DMD: variants seen among roughly 807,000 people sequenced by gnomAD.
DMD encodes mutant dystrophin.
DMD carries 63 observed loss-of-function variants against 330.1 expected under a neutral mutation model. The observed-to-expected ratio is 0.19, with a 90% CI of 0.16 to 0.24. The LOEUF is 0.24. Ranked by LOEUF, DMD falls within the 10% of genes least tolerant of loss-of-function variation. The pLI, the probability that DMD is intolerant of heterozygous loss-of-function variation, is 1.00. For synonymous variants in DMD, 1,223 were observed against 959.8 expected (o/e 1.27, Z -5.07); for missense variants, 3,344 against 2,684.1 (o/e 1.25, Z -5.43).
At chrX:31,666,784 T>C (rs931822248) in intron 53 of DMD, among the ~76,000 whole-genome samples, 3 of 111,907 alleles carry the variant, frequency 2.7e-5, no homozygotes, top group African/African-American at 9.7e-5. Flanking sequence ...AATAGCTCCC[T>C]ATCCATTGTG....
At chrX:32,444,367 A>C (rs908087836) in intron 27 of DMD, among the ~76,000 whole-genome samples, 2 of 110,544 alleles carry the variant, frequency 1.8e-5, no homozygotes, top group African/African-American at 3.3e-5. Flanking sequence ...CCAGAGAAAA[A>C]AAAAGACAAA....
At chrX:32,563,673 T>G (rs1345355043) in intron 16 of DMD, among the ~76,000 whole-genome samples, 1 of 111,949 alleles carries the variant, frequency 8.9e-6, no homozygotes, top group East Asian at 2.8e-4. Context: ...AATGCTTTTC[T>G]ACCAATTGGA....
chrX:31,990,827 G>T, intron 44 of DMD, among the ~76,000 whole-genome samples: 1 of 111,967 alleles, frequency 8.9e-6, no homozygotes, highest in South Asian at 3.7e-4. Context: ...TTTCTAGTAG[G>T]TTAACACTCC....
intron 13 of DMD, among the ~76,000 whole-genome samples, chrX:32,590,096 T>A (rs2054730687): frequency 8.9e-6 from 1 of 112,355 alleles, no homozygotes; most frequent in East Asian, 2.8e-4. Context: ...ATAATTTGTC[T>A]TAATACTACC....
At chrX:32,728,445 C>T (rs1268196432) in intron 7 of DMD, among the ~76,000 whole-genome samples, 1 of 111,871 alleles carries the variant, frequency 8.9e-6, no homozygotes, top group Non-Finnish European at 1.9e-5. Context: ...TTATCAAGAG[C>T]AGGTTTAACA....
intron 1 of DMD, among the ~76,000 whole-genome samples, chrX:33,302,169 G>A (rs1375483995): frequency 2.7e-5 from 3 of 111,237 alleles, no homozygotes; most frequent in Admixed American, 9.6e-5. Flanking sequence ...TTATTTTTCA[G>A]CTACTTAGGT....
intron 44 of DMD, among the ~76,000 whole-genome samples, chrX:32,170,422 A>G (rs1254282922): frequency 9.2e-6 from 1 of 109,097 alleles, no homozygotes; most frequent in Non-Finnish European, 1.9e-5. Flanking sequence ...AAGTGAGTCG[A>G]GATTGTACCA....
At chrX:32,183,918 C>A (rs190897282) in intron 44 of DMD, among the ~76,000 whole-genome samples, 180 of 110,492 alleles carry the variant, frequency 1.6e-3, no homozygotes, top group African/African-American at 5.6e-3. Context: ...CTTAAAGATA[C>A]TGATCAGGGA....
In DMD at chrX:31,209,671, A is replaced by G. The variant is rs1057523643; in HGVS notation, c.9390T>C (p.Cys3130=). 6.6e-6 allele frequency: 8 copies of G among 1,211,685 alleles called. No homozygotes were observed. The South Asian group carries it at 1.1e-4, about 16-fold the overall frequency. The part of the protein sequence containing the change: ...CLDLLSLSAA[C]DALDQHNLKQ... ...TGAGGTTGTGCTGGTCCAAGGCATC[A>G]CATGCAGCTGACAGGCTCAAGAGAT... The change falls in exon 65 of 79, where the codon TGT becomes TGC. Residue 3130 remains cysteine, a synonymous_variant. Coordinates refer to ENST00000357033, the MANE Select transcript of DMD (RefSeq NM_004006.3).
intron 1 of DMD, among the ~76,000 whole-genome samples, chrX:33,257,511 G>A (rs2052877950): frequency 9.0e-6 from 1 of 110,899 alleles, no homozygotes; most frequent in Admixed American, 9.7e-5. Context: ...ATCCTTACTT[G>A]TCCAGTGTCA....
intron 37 of DMD, among the ~76,000 whole-genome samples, chrX:32,351,248 C>G (rs764936626): frequency 4.8e-4 from 53 of 110,692 alleles, no homozygotes; most frequent in Non-Finnish European, 8.8e-4. Context: ...TGGCTCAGGT[C>G]AAGCCCTTCC....
At chrX:32,109,864 A>G (rs772420672) in intron 44 of DMD, among the ~76,000 whole-genome samples, 13 of 111,710 alleles carry the variant, frequency 1.2e-4, no homozygotes, top group Non-Finnish European at 2.5e-4. Context: ...TAATCTCTTA[A>G]ACATTTCTTA....
At chrX:32,301,523 C>T (rs2097523824) in intron 42 of DMD, among the ~76,000 whole-genome samples, 1 of 110,193 alleles carries the variant, frequency 9.1e-6, no homozygotes, top group African/African-American at 3.3e-5. Flanking sequence ...TAAGATATTG[C>T]CAATATTTAA....
chrX:32,132,993 CTTTTTT>C (rs377615262), intron 44 of DMD, among the ~76,000 whole-genome samples: 23,175 of 75,414 alleles, frequency 0.31, 3,002 homozygotes, highest in South Asian at 0.59. Flanking sequence ...CTTTTCTTTT[CTTTTTT>C]TTTTTTTTTT....
At chrX:32,988,950 T>C (rs2092913386) in intron 2 of DMD, among the ~76,000 whole-genome samples, 1 of 111,714 alleles carries the variant, frequency 9.0e-6, no homozygotes, top group Non-Finnish European at 1.9e-5. Flanking sequence ...TAAGATATTA[T>C]AAAATGTAGC....
intron 51 of DMD, among the ~76,000 whole-genome samples, chrX:31,740,495 C>T (rs1409481876): frequency 8.9e-6 from 1 of 112,150 alleles, no homozygotes; most frequent in Non-Finnish European, 1.9e-5. Flanking sequence ...TTCCAGACTG[C>T]TGCAATAAAG....
intron 63 of DMD, among the ~76,000 whole-genome samples, chrX:31,252,238 C>T (rs1185966869): frequency 8.9e-6 from 1 of 111,780 alleles, no homozygotes; most frequent in African/African-American, 3.2e-5. Flanking sequence ...TTTATAACAG[C>T]CTTAATAACA....
At chrX:31,952,253 T>C (rs770261630) in intron 45 of DMD, among the ~76,000 whole-genome samples, 1 of 111,661 alleles carries the variant, frequency 9.0e-6, no homozygotes, top group Non-Finnish European at 1.9e-5. Context: ...ATTTGTGAAG[T>C]GTTTGGCCAT....
Position 32,205,004 on chromosome X carries a change from C to T in DMD, c.6438+11912G>A, listed in dbSNP as rs1245033329. Among the ~76,000 whole-genome samples the T allele has an allele frequency of 3.1e-4, 15 of 47,831 alleles. No individual in the cohort carries two copies. In the East Asian group the frequency reaches 3.7e-3, roughly 12 times the overall value. 41.5% of individuals were successfully genotyped at this position (47,831 alleles called of 115,157 possible). A position where few individuals can be genotyped will look rare whatever the true frequency, so the allele number is the denominator to read the frequency against. On this transcript the variant is annotated intron_variant, in intron 44 of 78. Transcript: ENST00000357033. ...TCTCTCTCTCTCTCTCTCTCTCTCT[C>T]TCACATACACACACACACACACACA... is the stretch of plus-strand genomic sequence containing the variant.
Sources: gnomAD v4.1 joint callset for allele counts (sites outside exome capture counted in the v4.1 genomes callset) on GRCh38, gnomAD v4.1.1 for gene constraint, MANE v1.5 for transcripts, NCBI Gene and HGNC (gene_info 2026-07-23, HGNC 2026-07-21) for gene names.